Variants in GBE1 observed in about 807,000 individuals in gnomAD.
GBE1 encodes the protein 1,4-alpha-glucan-branching enzyme.
A neutral mutation model predicts 88.8 loss-of-function variants in GBE1; 70 were observed. That is an observed-to-expected ratio of 0.79 (90% confidence interval 0.65 to 0.96). GBE1 has a LOEUF of 0.96. Ranked by LOEUF, GBE1 falls within the 40% of genes least tolerant of loss-of-function variation. GBE1 has a pLI of 0.00. For missense variants in GBE1, 872 were observed against 871.0 expected (o/e 1.00, Z -0.01); for synonymous variants, 284 against 300.1 (o/e 0.95, Z 0.56).
intron 12 of GBE1, among the ~76,000 whole-genome samples, chr3:81,541,211 C>A (rs1703138346): frequency 6.6e-6 from 1 of 151,832 alleles, no homozygotes; most frequent in Admixed American, 6.6e-5. Flanking sequence ...TTGACTAAAA[C>A]TATCAGAGGA....
intron 14 of GBE1, among the ~76,000 whole-genome samples, chr3:81,514,819 C>T (rs1041151120): frequency 6.6e-6 from 1 of 151,336 alleles, no homozygotes; most frequent in African/African-American, 2.4e-5. Context: ...CGGAAAATGT[C>T]AGAAACACGA....
At chr3:81,720,576 A>T (rs1461370419) in intron 1 of GBE1, among the ~76,000 whole-genome samples, 1 of 152,116 alleles carries the variant, frequency 6.6e-6, no homozygotes, top group Non-Finnish European at 1.5e-5. Flanking sequence ...GAGATAAGGT[A>T]TTTAAATGTT....
intron 7 of GBE1, among the ~76,000 whole-genome samples, chr3:81,619,056 C>A (rs577414314): frequency 6.6e-5 from 10 of 152,086 alleles, no homozygotes; most frequent in Middle Eastern, 3.4e-3. Flanking sequence ...TCATCTATTG[C>A]AAGGAACATG....
At chr3:81,666,262 A>C (rs1167234509) in intron 3 of GBE1, among the ~76,000 whole-genome samples, 1 of 152,220 alleles carries the variant, frequency 6.6e-6, no homozygotes, top group Non-Finnish European at 1.5e-5. Context: ...AAGAATACCC[A>C]TAAAATCTGT....
chr3:81,508,218 A>C (rs1455626866), intron 14 of GBE1, among the ~76,000 whole-genome samples: 1 of 152,184 alleles, frequency 6.6e-6, no homozygotes, highest in Non-Finnish European at 1.5e-5. Context: ...ACTTTACGGA[A>C]TACTTCTGAC....
intron 9 of GBE1, 143 bp from the exon 10 acceptor site, chr3:81,586,333 T>C (rs1576159607): frequency 3.5e-6 from 2 of 571,354 alleles, no homozygotes; most frequent in Non-Finnish European, 6.1e-6. Context: ...AAAATTGTGA[T>C]AGCATATCTC....
intron 12 of GBE1, among the ~76,000 whole-genome samples, chr3:81,555,364 A>G (rs1204942998): frequency 6.6e-6 from 1 of 152,210 alleles, no homozygotes; most frequent in Non-Finnish European, 1.5e-5. Flanking sequence ...GGTAAACCAT[A>G]AACTCTTCCA....
At chr3:81,758,931 G>C (rs956911427) in intron 1 of GBE1, among the ~76,000 whole-genome samples, 4 of 152,158 alleles carry the variant, frequency 2.6e-5, no homozygotes, top group African/African-American at 9.7e-5. Context: ...CTGAATCATG[G>C]GGGCAGGTCT....
At chr3:81,750,567 A>ATATATATGTG (rs1559708441) in intron 1 of GBE1, among the ~76,000 whole-genome samples, 2 of 69,856 alleles carry the variant, frequency 2.9e-5, no homozygotes, top group African/African-American at 1.6e-4. Flanking sequence ...ATATATGTAT[A>ATATATATGTG]TATATATACG....
chr3:81,601,329 T>C (rs1208787619), intron 7 of GBE1, among the ~76,000 whole-genome samples: 1 of 152,126 alleles, frequency 6.6e-6, no homozygotes, highest in Non-Finnish European at 1.5e-5. Context: ...CAGGTGCAGC[T>C]CAACCTTCTG....
At chr3:81,691,960 C>T (rs942580256) in intron 2 of GBE1, among the ~76,000 whole-genome samples, 5 of 152,056 alleles carry the variant, frequency 3.3e-5, no homozygotes, top group African/African-American at 4.8e-5. Context: ...GAGCCAAGGG[C>T]GTGATCATAG....
At chr3:81,716,947 G>A (rs1705945883) in intron 1 of GBE1, among the ~76,000 whole-genome samples, 1 of 152,166 alleles carries the variant, frequency 6.6e-6, no homozygotes, top group South Asian at 2.1e-4. Flanking sequence ...CAGAGTTACT[G>A]AAGGTAAGCC....
At chr3:81,538,628 T>C (rs1350161900) in intron 12 of GBE1, among the ~76,000 whole-genome samples, 5 of 151,994 alleles carry the variant, frequency 3.3e-5, no homozygotes, top group Admixed American at 6.6e-5. Flanking sequence ...GGTATACCGA[T>C]GGCACAGCTT....
intron 7 of GBE1, among the ~76,000 whole-genome samples, chr3:81,634,599 G>C (rs139318176): frequency 3.1e-3 from 475 of 152,178 alleles, no homozygotes; most frequent in Non-Finnish European, 5.1e-3. Flanking sequence ...TTATGACAGA[G>C]ACTTGAGAGA....
intron 7 of GBE1, among the ~76,000 whole-genome samples, chr3:81,625,447 GT>G (rs1201685941): frequency 6.8e-5 from 10 of 147,182 alleles, no homozygotes; most frequent in East Asian, 2.0e-4. Flanking sequence ...ATCCTGGACT[GT>G]TTTTTTTTTA....
chr3:81,550,227 C>G (rs1232943100), intron 12 of GBE1, among the ~76,000 whole-genome samples: 1 of 151,464 alleles, frequency 6.6e-6, no homozygotes, highest in Non-Finnish European at 1.5e-5. Flanking sequence ...TAAGCTTACT[C>G]AATGTTCTCT....
At chr3:81,510,236 T>C (rs2106826712) in intron 14 of GBE1, among the ~76,000 whole-genome samples, 2 of 152,266 alleles carry the variant, frequency 1.3e-5, no homozygotes, top group East Asian at 3.9e-4. Context: ...ATCTTGCAGA[T>C]AAAGCCTGCA....
intron 14 of GBE1, chr3:81,509,355 G>C (rs933498934): frequency 2.7e-5 from 4 of 148,654 alleles, no homozygotes; most frequent in African/African-American, 9.9e-5. Context: ...AATACTGAGA[G>C]AGCTTTTGGT....
At chr3:81,545,469 TGAGA>T (rs1703194132) in intron 12 of GBE1, among the ~76,000 whole-genome samples, 1 of 152,044 alleles carries the variant, frequency 6.6e-6, no homozygotes, top group African/African-American at 2.4e-5. Context: ...ATCCAGAAGA[TGAGA>T]GAAAGGATGA....
Sources: gnomAD v4.1 joint callset for allele counts (sites outside exome capture counted in the v4.1 genomes callset) on GRCh38, gnomAD v4.1.1 for gene constraint, MANE v1.5 for transcripts, NCBI Gene and HGNC (gene_info 2026-07-23, HGNC 2026-07-21) for gene names.